Variants in NKAIN1 observed in about 807,000 individuals in gnomAD.
NKAIN1 encodes the protein sodium/potassium-transporting ATPase subunit beta-1-interacting protein 1.
In NKAIN1, 13 loss-of-function variants were observed where a neutral mutation model predicts 31.6. The ratio of observed to expected loss-of-function variants is 0.41; its 90% confidence interval spans 0.27 to 0.65. The LOEUF is 0.65. NKAIN1 is among the 30% of genes least tolerant of loss of function. NKAIN1 has a pLI of 0.30. For synonymous variants in NKAIN1, 104 were observed against 109.0 expected, an observed-to-expected ratio of 0.95 and a Z score of 0.28; for missense variants, 193 against 262.2, an observed-to-expected ratio of 0.74 and a Z score of 1.82.
intron 1 of NKAIN1, among the ~76,000 whole-genome samples, chr1:31,216,567 T>C (rs1645514057): frequency 6.6e-6 from 1 of 152,180 alleles, no homozygotes; most frequent in South Asian, 2.1e-4. Context: ...GTCCCCTGGC[T>C]CATGTCCATG....
At chr1:31,231,740 C>T (rs1029452052) in intron 1 of NKAIN1, among the ~76,000 whole-genome samples, 4 of 150,914 alleles carry the variant, frequency 2.7e-5, no homozygotes, top group Non-Finnish European at 5.9e-5. Flanking sequence ...CAGTGTTAGC[C>T]AGGATGGTCT....
intron 1 of NKAIN1, among the ~76,000 whole-genome samples, chr1:31,235,843 C>G (rs941331809): frequency 6.6e-6 from 1 of 152,126 alleles, no homozygotes; most frequent in Non-Finnish European, 1.5e-5. Flanking sequence ...GGTCTTTTGC[C>G]TCTCAGCTCA....
At chr1:31,189,348 G>A (rs1321914838) in intron 1 of NKAIN1, among the ~76,000 whole-genome samples, 1 of 151,908 alleles carries the variant, frequency 6.6e-6, no homozygotes, top group African/African-American at 2.4e-5. Flanking sequence ...ACAGAGTCCC[G>A]CTCTGTCGCC....
intron 1 of NKAIN1, among the ~76,000 whole-genome samples, chr1:31,206,092 G>A (rs1645421697): frequency 2.0e-5 from 3 of 149,918 alleles, no homozygotes; most frequent in Admixed American, 2.0e-4. Flanking sequence ...AAAATTAGCT[G>A]GGCGTGGTGG....
At chr1:31,236,396 G>C (rs1331619454) in intron 1 of NKAIN1, among the ~76,000 whole-genome samples, 5 of 152,160 alleles carry the variant, frequency 3.3e-5, no homozygotes, top group East Asian at 3.9e-4. Flanking sequence ...AAAGAAAAAT[G>C]ACACAGTTCC....
chr1:31,195,739 T>C (rs945873575), intron 1 of NKAIN1, among the ~76,000 whole-genome samples: 8 of 151,446 alleles, frequency 5.3e-5, no homozygotes, highest in Non-Finnish European at 1.2e-4. Context: ...CTGGGCAACA[T>C]GGCATAAAGC....
intron 1 of NKAIN1, among the ~76,000 whole-genome samples, chr1:31,189,235 T>C (rs1187940830): frequency 1.3e-5 from 2 of 152,000 alleles, no homozygotes; most frequent in Admixed American, 6.6e-5. Context: ...CACAGACACA[T>C]AGCCCAGACC....
chr1:31,206,286 T>C (rs892301729), intron 1 of NKAIN1, among the ~76,000 whole-genome samples: 7 of 106,916 alleles, frequency 6.5e-5, no homozygotes, highest in South Asian at 5.3e-4. Context: ...CTGGTTTAAA[T>C]GAGAAATAAA....
At chr1:31,237,870 C>T (rs986165058) in intron 1 of NKAIN1, among the ~76,000 whole-genome samples, 12 of 151,928 alleles carry the variant, frequency 7.9e-5, no homozygotes, top group African/African-American at 2.7e-4. Context: ...ATGTATATTA[C>T]TTTTCTAATT....
In NKAIN1 at chr1:31,216,750, G is replaced by C. The variant is rs529537332; in HGVS notation, c.54+22744C>G. On this transcript the variant is annotated intron_variant, in intron 1 of 6. Transcript: ENST00000373736. Reference sequence around the variant, plus strand: ...TATTTATTGAGACAGCTGGAGTCCAGTGGCACCATCTCGGCTCACTGCAAC... The same window carrying C: ...TATTTATTGAGACAGCTGGAGTCCACTGGCACCATCTCGGCTCACTGCAAC... 3.4e-5 allele frequency among the ~76,000 whole-genome samples: 4 copies of C among 118,122 alleles called. No individual in the cohort carries two copies. The East Asian group carries it at 1.1e-3, about 33-fold the overall frequency. 77.5% of individuals were successfully genotyped at this position (118,122 alleles called of 152,430 possible). A position where few individuals can be genotyped will look rare whatever the true frequency, so the allele number is the denominator to read the frequency against.
intron 1 of NKAIN1, among the ~76,000 whole-genome samples, chr1:31,229,279 G>A (rs948794163): frequency 6.6e-6 from 1 of 152,194 alleles, no homozygotes; most frequent in Admixed American, 6.5e-5. Context: ...AGTTCAGGAA[G>A]CTCACCTATG....
At chr1:31,201,889 G>A (rs989958201) in intron 1 of NKAIN1, among the ~76,000 whole-genome samples, 4 of 152,188 alleles carry the variant, frequency 2.6e-5, no homozygotes, top group Non-Finnish European at 5.9e-5. Flanking sequence ...TTCCACCCTG[G>A]AGGGGTAATC....
At chr1:31,215,859 A>G (rs1645507834) in intron 1 of NKAIN1, among the ~76,000 whole-genome samples, 1 of 152,182 alleles carries the variant, frequency 6.6e-6, no homozygotes, top group South Asian at 2.1e-4. Flanking sequence ...TAAAAGCACT[A>G]ATAACAATGG....
rs1413698551 is a variant in NKAIN1, at chr1:31,239,095, C to G, written c.54+399G>C. On this transcript the variant is annotated intron_variant, in intron 1 of 6. Transcript: ENST00000373736. This position sits in a 1 kb window ranked among gnomAD's most constrained non-coding sequence, Gnocchi z 4.8. ...CAGAGACCCAGAGGAAGGGAGAGAC[C>G]CATGCAAACGAGGGATCTAGAGGGA... 6.6e-6 allele frequency among the ~76,000 whole-genome samples: 1 copy of G among 152,024 alleles called. No homozygotes were observed. Among genetic ancestry groups the G allele is most frequent in the Non-Finnish European group, 1.5e-5 (1 of 67,982 alleles).
At chr1:31,189,751 A>T (rs1645271651) in intron 1 of NKAIN1, among the ~76,000 whole-genome samples, 1 of 152,160 alleles carries the variant, frequency 6.6e-6, no homozygotes, top group African/African-American at 2.4e-5. Context: ...GAATTTAGGG[A>T]TAGGCGCTCA....
chr1:31,186,154 G>T (rs2124164507), intron 2 of NKAIN1, among the ~76,000 whole-genome samples: 1 of 152,074 alleles, frequency 6.6e-6, no homozygotes, highest in South Asian at 2.1e-4. Context: ...CCTGAGGTCG[G>T]GAGTTTGAGA....
At position 31,208,385 on chromosome 1, in the gene NKAIN1, T is replaced by A. The variant is rs1429577398; in HGVS notation, c.55-20198A>T. Among the ~76,000 whole-genome samples, 3 of 152,294 alleles carry A rather than the reference T, an allele frequency of 2.0e-5. No individual in the cohort carries two copies. The East Asian group carries it at 5.8e-4, about 29-fold the overall frequency. ...ACTTGTGTTCTGTTGGAGATCCGCCTCTGCTGCAGCTTTCTCATTCCCGGC... is the reference window on the plus strand; with the variant it reads ...ACTTGTGTTCTGTTGGAGATCCGCCACTGCTGCAGCTTTCTCATTCCCGGC... On this transcript the variant is annotated intron_variant, in intron 1 of 6. Coordinates refer to ENST00000373736, the MANE Select transcript of NKAIN1 (RefSeq NM_024522.3).
chr1:31,200,025 G>GCGCACA (rs1553162440), intron 1 of NKAIN1, among the ~76,000 whole-genome samples: 3,548 of 49,426 alleles, frequency 0.072, 46 homozygotes, highest in Middle Eastern at 0.29. Context: ...ACACACACAC[G>GCGCACA]CACACACACA....
intron 1 of NKAIN1, among the ~76,000 whole-genome samples, chr1:31,202,809 T>C (rs1272524658): frequency 4.1e-5 from 6 of 144,850 alleles, no homozygotes; most frequent in South Asian, 2.2e-4. Flanking sequence ...AAATCCTGTC[T>C]CTACTAAAAA....
Sources: gnomAD v4.1 joint callset for allele counts (sites outside exome capture counted in the v4.1 genomes callset) on GRCh38, gnomAD v4.1.1 for gene constraint, Gnocchi (gnomAD v3.1) non-coding constraint, MANE v1.5 for transcripts, NCBI Gene and HGNC (gene_info 2026-07-23, HGNC 2026-07-21) for gene names.